Variants in SYTL5 observed in about 807,000 individuals in gnomAD.
SYTL5 encodes synaptotagmin-like protein 5.
A neutral mutation model predicts 55.9 loss-of-function variants in SYTL5; 34 were observed. That is an observed-to-expected ratio of 0.61 (90% confidence interval 0.46 to 0.81). The LOEUF (loss-of-function observed/expected upper bound fraction) is 0.81. Among genes scored for constraint, SYTL5 ranks in the 30% least tolerant of loss-of-function variants. SYTL5 has a pLI of 0.00. For synonymous variants in SYTL5, 221 were observed against 188.7 expected (o/e 1.17, Z -1.40); for missense variants, 637 against 546.7 (o/e 1.17, Z -1.65).
chrX:38,074,707 C>T lies in SYTL5; in HGVS notation c.554+1009C>T, dbSNP rs773165945. ...AGTAGGAATACAATCTAAATGTCATCTAACTCAAGCACTCATGACAAACCA... is the reference window on the plus strand; with the variant it reads ...AGTAGGAATACAATCTAAATGTCATTTAACTCAAGCACTCATGACAAACCA... On this transcript the variant is annotated intron_variant, in intron 5 of 16. Transcript: ENST00000297875. Among the ~76,000 whole-genome samples the T allele has an allele frequency of 2.1e-4, 24 of 112,052 alleles. 1 individual carries two copies. Among genetic ancestry groups the T allele is most frequent in the African/African-American group, 6.8e-4 (21 of 30,881 alleles).
the SYTL5 span, among the ~76,000 whole-genome samples, chrX:37,966,100 G>A: frequency 9.0e-6 from 1 of 111,512 alleles, no homozygotes. Flanking sequence ...TACATTTAAA[G>A]CAATTTTTCT....
the SYTL5 span, among the ~76,000 whole-genome samples, chrX:37,954,597 C>G: frequency 8.9e-6 from 1 of 112,030 alleles, no homozygotes; most frequent in Non-Finnish European, 1.9e-5. Flanking sequence ...TTCTAATTGA[C>G]CTTTGCTTTC....
intron 13 of SYTL5, among the ~76,000 whole-genome samples, chrX:38,116,071 G>T (rs1382233017): frequency 9.0e-6 from 1 of 111,697 alleles, no homozygotes; most frequent in Non-Finnish European, 1.9e-5. Context: ...ACAGTTTCAG[G>T]TCTCATGCTT....
the SYTL5 span, among the ~76,000 whole-genome samples, chrX:37,901,099 A>G: frequency 3.6e-5 from 4 of 111,635 alleles, no homozygotes; most frequent in African/African-American, 1.3e-4. Flanking sequence ...GATTTATTGT[A>G]TAAATAGAGA....
chrX:37,960,821 A>T, the SYTL5 span, among the ~76,000 whole-genome samples: 1 of 93,116 alleles, frequency 1.1e-5, no homozygotes, highest in African/African-American at 4.3e-5. Flanking sequence ...TTTGAGATGG[A>T]GTCTCACTCT....
At chrX:38,005,520 A>G (rs999482480), upstream of SYTL5, among the ~76,000 whole-genome samples, 4 of 111,406 alleles carry the variant, frequency 3.6e-5, no homozygotes, top group African/African-American at 1.3e-4. Flanking sequence ...TTCAGCAGAG[A>G]AATGGAAACT....
At chrX:38,094,197 C>T in intron 7 of SYTL5, 98 bp from the exon 8 acceptor site, 1 of 741,906 alleles carries the variant, frequency 1.3e-6, no homozygotes, top group Admixed American at 3.2e-5. Context: ...AATAATAATA[C>T]ATATAAAGGT....
chrX:38,073,406 C>T (rs1180660895), intron 4 of SYTL5, among the ~76,000 whole-genome samples, 184 bp from the exon 5 acceptor site: 1 of 112,029 alleles, frequency 8.9e-6, no homozygotes, highest in African/African-American at 3.2e-5. Flanking sequence ...TCAGTTAACT[C>T]TAGAACACTC....
chrX:37,959,872 T>C, the SYTL5 span, among the ~76,000 whole-genome samples: 1 of 111,945 alleles, frequency 8.9e-6, no homozygotes, highest in African/African-American at 3.3e-5. Flanking sequence ...GCCTCCAGGC[T>C]GTTCATGCCA....
At chrX:37,954,297 A>G in the SYTL5 span, among the ~76,000 whole-genome samples, 2 of 111,694 alleles carry the variant, frequency 1.8e-5, no homozygotes, top group Admixed American at 9.5e-5. Flanking sequence ...TTCACAGGTG[A>G]TTAGGCTTAG....
intron 13 of SYTL5, among the ~76,000 whole-genome samples, chrX:38,113,912 G>A (rs1187272015): frequency 3.6e-5 from 4 of 111,067 alleles, no homozygotes; most frequent in Non-Finnish European, 7.5e-5. Flanking sequence ...ATACTCCCAC[G>A]TTCTTGCCTC....
the SYTL5 span, among the ~76,000 whole-genome samples, chrX:37,959,365 C>T: frequency 2.1e-3 from 241 of 112,181 alleles, 1 homozygote; most frequent in African/African-American, 7.4e-3. Context: ...AGCTCGCACT[C>T]CAGGCATTTA....
intron 1 of SYTL5, among the ~76,000 whole-genome samples, chrX:38,027,834 T>C (rs1934829188): frequency 9.3e-6 from 1 of 107,792 alleles, no homozygotes; most frequent in Non-Finnish European, 1.9e-5. Context: ...CTTTTTTTTT[T>C]TTTTTTGAGA....
chrX:37,995,009 T>C, the SYTL5 span, among the ~76,000 whole-genome samples: 3 of 109,606 alleles, frequency 2.7e-5, no homozygotes, highest in Non-Finnish European at 5.7e-5. Context: ...GGGGAAGGGG[T>C]GGCCAGTGTG....
chrX:37,986,360 G>A, the SYTL5 span, among the ~76,000 whole-genome samples: 2 of 111,133 alleles, frequency 1.8e-5, no homozygotes, highest in Non-Finnish European at 3.8e-5. Flanking sequence ...GTGATTGACT[G>A]ACCAAGCACG....
chrX:38,105,137 G>T (rs1206292784), intron 10 of SYTL5, among the ~76,000 whole-genome samples: 1 of 112,757 alleles, frequency 8.9e-6, no homozygotes, highest in African/African-American at 3.2e-5. Flanking sequence ...AGCATCTGCA[G>T]TGTGGCTCCT....
chrX:37,972,321 C>A, the SYTL5 span, among the ~76,000 whole-genome samples: 2 of 111,526 alleles, frequency 1.8e-5, no homozygotes, highest in African/African-American at 6.5e-5. Context: ...TAGAATGCAT[C>A]TCTGAACTAG....
the SYTL5 span, among the ~76,000 whole-genome samples, chrX:37,941,208 C>T: frequency 1.8e-5 from 2 of 111,784 alleles, no homozygotes; most frequent in Non-Finnish European, 3.8e-5. Flanking sequence ...GCCAGAAAGT[C>T]ATGCTTACTG....
chrX:38,094,202 A>G, intron 7 of SYTL5, 93 bp from the exon 8 acceptor site: 1 of 792,619 alleles, frequency 1.3e-6, no homozygotes, highest in Non-Finnish European at 1.8e-6. Flanking sequence ...TAATACATAT[A>G]AAGGTGTTTA....
Sources: allele counts gnomAD v4.1 joint callset (sites outside exome capture counted in the v4.1 genomes callset), GRCh38; gene constraint gnomAD v4.1.1; transcripts MANE v1.5; gene names NCBI Gene and HGNC (gene_info 2026-07-23, HGNC 2026-07-21).